Variants in MYH9 observed in about 807,000 individuals in gnomAD.
MYH9 encodes myosin heavy chain 9.
In MYH9, 29 loss-of-function variants were observed where a neutral mutation model predicts 241.9. The ratio of observed to expected loss-of-function variants is 0.12; its 90% confidence interval spans 0.09 to 0.16. The LOEUF is 0.16. Among genes scored for constraint, MYH9 ranks in the 10% least tolerant of loss-of-function variants. The probability of loss-of-function intolerance (pLI) is 1.00; values close to 1 mark genes in which losing one functional copy is unlikely to be tolerated. For synonymous variants in MYH9, 1,047 were observed against 1,062.6 expected (o/e 0.99, Z 0.29); for missense variants, 1,803 against 2,595.5 (o/e 0.69, Z 6.63).
chr22:36,363,301 G>C (rs1771218039), intron 1 of MYH9, among the ~76,000 whole-genome samples: 1 of 152,210 alleles, frequency 6.6e-6, no homozygotes, highest in South Asian at 2.1e-4. Flanking sequence ...GGCAGGAACT[G>C]TCTCCCCAAC....
chr22:36,301,967 T>C (rs1265331866), intron 20 of MYH9, among the ~76,000 whole-genome samples: 1 of 152,264 alleles, frequency 6.6e-6, no homozygotes, highest in African/African-American at 2.4e-5. Flanking sequence ...GATAATGATG[T>C]GTTCCCTAGG....
intron 1 of MYH9, among the ~76,000 whole-genome samples, chr22:36,366,646 G>C (rs2018015782): frequency 6.6e-6 from 1 of 152,158 alleles, no homozygotes; most frequent in South Asian, 2.1e-4. Context: ...CGAAAGAGGA[G>C]CCCACCTTCC....
At position 36,301,596 on chromosome 22, in the gene MYH9, C is replaced by G; in HGVS notation, c.2569G>C (p.Val857Leu). The G allele has an allele frequency of 1.9e-6, 3 of 1,614,066 alleles. No homozygotes were observed. The highest frequency in any genetic ancestry group is 8.5e-7 in the Non-Finnish European group (1 of 1,180,040). Residue 857 changes from valine (V) to leucine (L), a missense_variant, in exon 21 of 41, where the codon GTC becomes CTC. Around this residue, in one of 11 missense-constraint regions of MYH9, gnomAD observed 290 missense variants for 360.5 expected, o/e 0.80. Transcript: ENST00000216181. ...TCCGCAGCCAGCTGCTTCTCTCTGA[C>G]CTTCACCAGCTCCTCCTCCTTGGCC... ...MMAKEEELVK[V>L]REKQLAAENR...
At chr22:36,351,858 C>T (rs1481248962) in intron 1 of MYH9, among the ~76,000 whole-genome samples, 27 of 152,104 alleles carry the variant, frequency 1.8e-4, no homozygotes, top group Non-Finnish European at 1.5e-5. Flanking sequence ...CTGAGGACAT[C>T]GGTGCCCCTC....
At chr22:36,290,460 C>A (rs1026715790) in intron 31 of MYH9, among the ~76,000 whole-genome samples, 1 of 152,124 alleles carries the variant, frequency 6.6e-6, no homozygotes, top group East Asian at 1.9e-4. Flanking sequence ...TCAATGGAGC[C>A]CAGGCTGGAG....
chr22:36,325,601 G>A (rs1268714285), intron 5 of MYH9, among the ~76,000 whole-genome samples: 4 of 152,232 alleles, frequency 2.6e-5, no homozygotes, highest in East Asian at 3.9e-4. Flanking sequence ...TGACTGGCAC[G>A]GCGGTGGCAG....
chr22:36,292,810 T>C (rs1327806028), intron 30 of MYH9, among the ~76,000 whole-genome samples: 3 of 152,188 alleles, frequency 2.0e-5, no homozygotes, highest in Non-Finnish European at 1.5e-5. Context: ...CATGACAATG[T>C]TGTAACAGGC....
Position 36,306,182 on chromosome 22 carries a change from A to T in MYH9, c.2038-131T>A. The T allele has an allele frequency of 6.8e-6, 10 of 1,478,280 alleles. No individual in the cohort carries two copies. Among genetic ancestry groups the T allele is most frequent in the Non-Finnish European group, 9.3e-6 (10 of 1,076,632 alleles). The allele number at this position is 1,478,280 out of a possible 1,614,324, so 91.6% of individuals were successfully genotyped here. ...GGGTCGCTACAGCCCACAGGTTTGG[A>T]CAATGAAGTCAAAGGATCCAGGTCT... On this transcript the variant is annotated intron_variant, in intron 16 of 40. Coordinates refer to ENST00000216181, the MANE Select transcript of MYH9 (RefSeq NM_002473.6). This position sits in a 1 kb window ranked among gnomAD's most constrained non-coding sequence, Gnocchi z 4.1.
At chr22:36,357,289 A>G (rs1200900713) in intron 1 of MYH9, among the ~76,000 whole-genome samples, 1 of 152,218 alleles carries the variant, frequency 6.6e-6, no homozygotes, top group Non-Finnish European at 1.5e-5. Context: ...AGGGAAGGGA[A>G]GAGATGGTGG....
chr22:36,377,046 A>G (rs958905205), intron 1 of MYH9, among the ~76,000 whole-genome samples: 1 of 144,676 alleles, frequency 6.9e-6, no homozygotes, highest in African/African-American at 2.5e-5. Flanking sequence ...CTAGGCGACA[A>G]AGCGAGACCC....
At chr22:36,379,445 C>T (rs547425538) in intron 1 of MYH9, among the ~76,000 whole-genome samples, 124 of 152,174 alleles carry the variant, frequency 8.1e-4, no homozygotes, top group Middle Eastern at 3.4e-3. Flanking sequence ...GGAGGTGGAG[C>T]GTGCAGTGAG....
chr22:36,333,821 G>T (rs1457741259), intron 3 of MYH9, among the ~76,000 whole-genome samples: 1 of 152,188 alleles, frequency 6.6e-6, no homozygotes, highest in Non-Finnish European at 1.5e-5. Flanking sequence ...GGAGAGAACA[G>T]GAAAAACGGG....
rs2016500448 is a variant in MYH9, at chr22:36,282,166, A to G, written c.*502T>C. 1 of 294,698 alleles carries G rather than the reference A, an allele frequency of 3.4e-6. No homozygotes were observed. Among genetic ancestry groups the G allele is most frequent in the Admixed American group, 4.6e-5 (1 of 21,526 alleles). 18.3% of individuals were successfully genotyped at this position (294,698 alleles called of 1,614,324 possible). ...CCAGAGCCATGGGAGTGGGAGGCCC[A>G]AGGGGCAGAGGTGTGTGAGGTCACC... On this transcript the variant is annotated 3_prime_UTR_variant, in exon 41 of 41. Coordinates refer to ENST00000216181, the MANE Select transcript of MYH9 (RefSeq NM_002473.6).
At chr22:36,348,855 C>CCCCT in intron 2 of MYH9, 49 bp downstream of exon 2, 1 of 1,295,054 alleles carries the variant, frequency 7.7e-7, no homozygotes, top group East Asian at 3.4e-5. Flanking sequence ...CCCCCCCCCA[C>CCCCT]CTCGGAGCCC....
At chr22:36,386,899 G>T (rs73167670) in intron 1 of MYH9, among the ~76,000 whole-genome samples, 3,207 of 152,372 alleles carry the variant, frequency 0.021, 67 homozygotes, top group Non-Finnish European at 0.033. Flanking sequence ...CTCCGATTTG[G>T]CTCAAACAGG....
At chr22:36,334,066 G>A (rs2017461674) in intron 3 of MYH9, among the ~76,000 whole-genome samples, 1 of 152,026 alleles carries the variant, frequency 6.6e-6, no homozygotes, top group Admixed American at 6.5e-5. Flanking sequence ...AGCAAAGCAT[G>A]GTGGGCCTGT....
intron 20 of MYH9, chr22:36,302,229 C>T (rs1223071941): frequency 1.4e-5 from 4 of 277,990 alleles, no homozygotes; most frequent in Admixed American, 4.9e-5. Flanking sequence ...GTTGGTTTTT[C>T]GCCATTACCA....
intron 12 of MYH9, among the ~76,000 whole-genome samples, chr22:36,315,765 C>T (rs1425888008): frequency 4.7e-5 from 7 of 149,546 alleles, no homozygotes; most frequent in African/African-American, 1.7e-4. Context: ...AAATAACAAA[C>T]AAACAAAAGG....
At chr22:36,341,555 G>C (rs751458422) in intron 2 of MYH9, 29 bp from the exon 3 acceptor site, 1 of 1,611,596 alleles carries the variant, frequency 6.2e-7, no homozygotes, top group Non-Finnish European at 8.5e-7. Flanking sequence ...GATAGGAACA[G>C]GTTAGGAAGT....
Sources: allele counts gnomAD v4.1 joint callset (sites outside exome capture counted in the v4.1 genomes callset), GRCh38; gene constraint gnomAD v4.1.1; regional missense constraint gnomAD v4.1.1; non-coding constraint Gnocchi (gnomAD v3.1); transcripts MANE v1.5; gene names NCBI Gene and HGNC (gene_info 2026-07-23, HGNC 2026-07-21).